Variants in RABGAP1L observed in about 807,000 individuals in gnomAD.
RABGAP1L encodes RAB GTPase activating protein 1 like, also known as rab GTPase-activating protein 1-like.
Under a neutral mutation model 137.7 loss-of-function variants are expected in RABGAP1L, and 63 were observed. The ratio of observed to expected loss-of-function variants is 0.46; its 90% CI spans 0.37 to 0.56. RABGAP1L has a LOEUF of 0.56. Among genes scored for constraint, RABGAP1L ranks in the 20% least tolerant of loss-of-function variants. RABGAP1L has a pLI of 0.00. For synonymous variants in RABGAP1L, 431 were observed against 433.7 expected (o/e 0.99, Z 0.08); for missense variants, 1,095 against 1,244.0 (o/e 0.88, Z 1.80).
chr1:174,498,637 C>T (rs947928558), intron 13 of RABGAP1L, among the ~76,000 whole-genome samples: 4 of 151,102 alleles, frequency 2.6e-5, no homozygotes, highest in Non-Finnish European at 4.4e-5. Flanking sequence ...GGTGGGATTA[C>T]AGGCGCATGC....
intron 18 of RABGAP1L, among the ~76,000 whole-genome samples, chr1:174,759,220 A>G (rs1045562988): frequency 1.3e-5 from 2 of 151,742 alleles, no homozygotes; most frequent in Admixed American, 1.3e-4. Flanking sequence ...CAAATAAATG[A>G]ATATATATGT....
chr1:174,671,225 T>G lies in RABGAP1L; in HGVS notation c.1825-12297T>G, dbSNP rs1416913582. 5.3e-5 allele frequency among the ~76,000 whole-genome samples: 8 copies of G among 152,202 alleles called. 1 individual carries two copies. The highest frequency in any genetic ancestry group is 5.2e-4 in the Admixed American group (8 of 15,282). ...AAATTCATTTATTAGTTCTAAGATT[T>G]TTGGTACAGTCTTTAGGGTTTTCCA... On this transcript the variant is annotated intron_variant, in intron 14 of 25. Transcript: ENST00000681986.
intron 13 of RABGAP1L, among the ~76,000 whole-genome samples, chr1:174,471,780 G>A (rs1657967340): frequency 6.6e-6 from 1 of 152,186 alleles, no homozygotes; most frequent in African/African-American, 2.4e-5. Flanking sequence ...ATAGGAGACT[G>A]TTATGGACTG....
At chr1:174,931,964 T>A in intron 19 of RABGAP1L, among the ~76,000 whole-genome samples, 1 of 147,506 alleles carries the variant, frequency 6.8e-6, no homozygotes. Flanking sequence ...ATTTAAATTA[T>A]AAAATTTCTT....
At chr1:174,796,449 T>C (rs1249453264) in intron 18 of RABGAP1L, among the ~76,000 whole-genome samples, 1 of 152,234 alleles carries the variant, frequency 6.6e-6, no homozygotes, top group Non-Finnish European at 1.5e-5. Flanking sequence ...GAATCTCTTT[T>C]TTCATTTCAC....
At chr1:174,824,135 C>T (rs1403879270) in intron 19 of RABGAP1L, among the ~76,000 whole-genome samples, 1 of 152,048 alleles carries the variant, frequency 6.6e-6, no homozygotes, top group Non-Finnish European at 1.5e-5. Context: ...ACTAAAAATA[C>T]AAAACTTAGC....
chr1:174,504,432 CAAAT>C (rs1266610017), intron 13 of RABGAP1L, among the ~76,000 whole-genome samples: 1 of 146,896 alleles, frequency 6.8e-6, no homozygotes, highest in African/African-American at 2.5e-5. Context: ...AAAAACCAAA[CAAAT>C]AAAAACAAAG....
chr1:174,684,016 C>G (rs2148481548), intron 15 of RABGAP1L, among the ~76,000 whole-genome samples: 1 of 152,270 alleles, frequency 6.6e-6, no homozygotes, highest in East Asian at 1.9e-4. Context: ...CATCAATTTT[C>G]AGGTACTGGG....
chr1:174,162,163 T>TA (rs1263212528), intron 1 of RABGAP1L, among the ~76,000 whole-genome samples: 1 of 152,158 alleles, frequency 6.6e-6, no homozygotes, highest in African/African-American at 2.4e-5. Context: ...CGCTGGTAGT[T>TA]ATGATTTTTT....
chr1:174,337,361 T>C (rs1681577193), intron 11 of RABGAP1L, among the ~76,000 whole-genome samples: 1 of 152,034 alleles, frequency 6.6e-6, no homozygotes, highest in African/African-American at 2.4e-5. Flanking sequence ...AAGGATAACA[T>C]TTTGACATTT....
At chr1:174,404,968 A>G (rs1571644575) in intron 13 of RABGAP1L, among the ~76,000 whole-genome samples, 1 of 152,170 alleles carries the variant, frequency 6.6e-6, no homozygotes, top group Non-Finnish European at 1.5e-5. Context: ...ATTTATTCAC[A>G]TCAGATTACT....
chr1:174,247,924 A>G (rs1477953179), intron 5 of RABGAP1L, among the ~76,000 whole-genome samples: 2 of 151,076 alleles, frequency 1.3e-5, no homozygotes, highest in Non-Finnish European at 3.0e-5. Flanking sequence ...TGCCTATTAA[A>G]CTCCCTGCTC....
At chr1:174,727,561 AG>A (rs2148611343) in intron 17 of RABGAP1L, among the ~76,000 whole-genome samples, 1 of 152,328 alleles carries the variant, frequency 6.6e-6, no homozygotes, top group African/African-American at 2.4e-5. Context: ...GATGACTGAA[AG>A]GTATAAAATT....
intron 4 of RABGAP1L, among the ~76,000 whole-genome samples, chr1:174,240,568 G>A (rs1671721827): frequency 1.3e-5 from 2 of 152,118 alleles, no homozygotes; most frequent in Admixed American, 1.3e-4. Context: ...ATTTGTGTAG[G>A]GAAAGTCAGA....
chr1:174,314,629 C>G (rs1679197166), intron 11 of RABGAP1L, among the ~76,000 whole-genome samples: 1 of 151,980 alleles, frequency 6.6e-6, no homozygotes, highest in South Asian at 2.1e-4. Flanking sequence ...TTGATGTAGA[C>G]AGTTATAGCT....
At chr1:174,405,634 G>A (rs1016641785) in intron 13 of RABGAP1L, among the ~76,000 whole-genome samples, 3 of 152,168 alleles carry the variant, frequency 2.0e-5, no homozygotes, top group African/African-American at 7.2e-5. Flanking sequence ...TCATTGTGTT[G>A]TAATGTAAAT....
intron 4 of RABGAP1L, among the ~76,000 whole-genome samples, chr1:174,239,393 T>A (rs1478031865): frequency 6.6e-6 from 1 of 152,204 alleles, no homozygotes; most frequent in African/African-American, 2.4e-5. Flanking sequence ...TTCATTCTTA[T>A]AGGACTTACC....
At chr1:174,491,580 G>A (rs2149354291) in intron 13 of RABGAP1L, among the ~76,000 whole-genome samples, 1 of 152,182 alleles carries the variant, frequency 6.6e-6, no homozygotes, top group Middle Eastern at 3.4e-3. Flanking sequence ...ATTAACCATT[G>A]TGTCTGGTGT....
intron 19 of RABGAP1L, among the ~76,000 whole-genome samples, chr1:174,842,409 G>T (rs116534048): frequency 0.022 from 3,295 of 152,176 alleles, 53 homozygotes; most frequent in Middle Eastern, 0.082. Flanking sequence ...CTAAATTCTG[G>T]GCCTGGTTAG....
Sources: gnomAD v4.1 joint callset for allele counts (sites outside exome capture counted in the v4.1 genomes callset) on GRCh38, gnomAD v4.1.1 for gene constraint, MANE v1.5 for transcripts, NCBI Gene and HGNC (gene_info 2026-07-23, HGNC 2026-07-21) for gene names.